TRERF1: variants seen among roughly 807,000 people sequenced by gnomAD.
TRERF1 encodes transcriptional regulating factor 1, also known as transcriptional-regulating factor 1.
TRERF1 carries 27 observed loss-of-function variants against 122.9 expected under a neutral mutation model. The observed-to-expected ratio is 0.22, with a 90% CI of 0.16 to 0.30. The LOEUF is 0.30. TRERF1 is among the 10% of genes least tolerant of loss of function. The pLI is 1.00. For missense variants in TRERF1, 1,248 were observed against 1,560.3 expected, an observed-to-expected ratio of 0.80 and a Z score of 3.37; for synonymous variants, 636 against 641.7, an observed-to-expected ratio of 0.99 and a Z score of 0.13.
chr6:42,320,913 G>A (rs542415375), intron 3 of TRERF1, among the ~76,000 whole-genome samples: 1 of 152,242 alleles, frequency 6.6e-6, no homozygotes, highest in Admixed American at 6.5e-5. Flanking sequence ...ACAGAATATG[G>A]AAGATTAGAA....
intron 8 of TRERF1, among the ~76,000 whole-genome samples, chr6:42,262,612 A>AGAGAGAAAGAGAG (rs1169414320): frequency 8.6e-6 from 1 of 116,220 alleles, no homozygotes. Flanking sequence ...AGACAGACGG[A>AGAGAGAAAGAGAG]AACCCTTCCC....
intron 2 of TRERF1, among the ~76,000 whole-genome samples, chr6:42,439,639 G>A (rs1582249401): frequency 6.6e-6 from 1 of 152,000 alleles, no homozygotes; most frequent in East Asian, 1.9e-4. Context: ...ACAAACAAAG[G>A]GACTCCGAGG....
At chr6:42,288,994 T>TGTGTGTGTGA (rs772469518) in intron 4 of TRERF1, among the ~76,000 whole-genome samples, 101 of 141,836 alleles carry the variant, frequency 7.1e-4, no homozygotes, top group Admixed American at 1.3e-3. Context: ...TGTGTGTGTG[T>TGTGTGTGTGA]CAAAGCACAT....
intron 14 of TRERF1, 131 bp downstream of exon 14, chr6:42,246,325 T>A: frequency 1.4e-6 from 1 of 740,144 alleles, no homozygotes; most frequent in Non-Finnish European, 2.3e-6. Flanking sequence ...TCCACTACCA[T>A]CCTCACCAGC....
At chr6:42,253,834 G>A (rs549354218) in intron 13 of TRERF1, among the ~76,000 whole-genome samples, 30 of 152,248 alleles carry the variant, frequency 2.0e-4, no homozygotes, top group Admixed American at 2.0e-4. Flanking sequence ...CCGGACTAAA[G>A]ATTGGAAAAC....
intron 2 of TRERF1, among the ~76,000 whole-genome samples, chr6:42,434,151 G>T (rs1325626567): frequency 6.6e-6 from 1 of 152,148 alleles, no homozygotes; most frequent in Non-Finnish European, 1.5e-5. Context: ...AGAAAATACA[G>T]AAATGAGTTC....
chr6:42,372,343 C>A (rs1020807958), intron 2 of TRERF1, among the ~76,000 whole-genome samples: 1 of 152,184 alleles, frequency 6.6e-6, no homozygotes, highest in African/African-American at 2.4e-5. Context: ...AACCCATCAG[C>A]TCCTACATGA....
intron 2 of TRERF1, among the ~76,000 whole-genome samples, chr6:42,405,286 G>A (rs75661157): frequency 3.9e-5 from 6 of 152,264 alleles, no homozygotes; most frequent in Admixed American, 1.3e-4. Context: ...CTTAAGATGC[G>A]AGGCCCCAGC....
At chr6:42,333,309 T>C (rs1025895336) in intron 3 of TRERF1, among the ~76,000 whole-genome samples, 1 of 152,228 alleles carries the variant, frequency 6.6e-6, no homozygotes, top group Non-Finnish European at 1.5e-5. Flanking sequence ...GGTCAAATGA[T>C]GTTTTAGGGC....
intron 3 of TRERF1, among the ~76,000 whole-genome samples, chr6:42,307,044 A>G (rs1036965759): frequency 2.0e-5 from 3 of 152,126 alleles, no homozygotes; most frequent in Non-Finnish European, 4.4e-5. Flanking sequence ...TGGTTGTGAT[A>G]TGTGGCCAAG....
rs779332889 is a variant in TRERF1 at position 42,228,478 on chromosome 6, T to C, written c.3470A>G (p.Lys1157Arg). Residue 1157 changes from lysine to arginine, a missense_variant, in exon 18 of 18, where the codon AAG becomes AGG. Coordinates refer to ENST00000372922, the Ensembl canonical transcript of TRERF1. The surrounding 1 kb of genome is among the most constrained non-coding windows in gnomAD (Gnocchi z 4.2). Reference sequence around the variant, plus strand: ...GTCGTCGTCGAGGATGTCCACATCCTTGATGGGTTTGATCAGACTCAGCTG... The same window carrying C: ...GTCGTCGTCGAGGATGTCCACATCCCTGATGGGTTTGATCAGACTCAGCTG... The C allele has an allele frequency of 2.5e-6, 4 of 1,614,092 alleles. No individual in the cohort carries two copies. The African/African-American group carries it at 4.0e-5, about 16-fold the overall frequency.
intron 2 of TRERF1, among the ~76,000 whole-genome samples, chr6:42,392,298 T>A (rs183670500): frequency 1.3e-5 from 2 of 152,290 alleles, no homozygotes; most frequent in East Asian, 3.9e-4. Context: ...TCACTTAACA[T>A]CTTTAAGTTT....
At chr6:42,417,529 T>G (rs1367693305) in intron 2 of TRERF1, among the ~76,000 whole-genome samples, 3 of 152,086 alleles carry the variant, frequency 2.0e-5, no homozygotes, top group Non-Finnish European at 4.4e-5. Context: ...CAGCCCAGTA[T>G]GATGAGGCAC....
intron 2 of TRERF1, among the ~76,000 whole-genome samples, chr6:42,441,681 G>A (rs867611267): frequency 1.3e-5 from 2 of 151,708 alleles, no homozygotes; most frequent in African/African-American, 2.4e-5. Flanking sequence ...AAAAAGAAAA[G>A]AAAAACCCAG....
exon 18 of TRERF1, chr6:42,227,115 C>T (rs1562088597): frequency 1.3e-5 from 2 of 152,366 alleles, no homozygotes; most frequent in Non-Finnish European, 2.9e-5. Context: ...AGAGCAAAGT[C>T]ATGGAGGTTG....
At chr6:42,356,717 G>C (rs1458134645) in intron 3 of TRERF1, among the ~76,000 whole-genome samples, 5 of 152,098 alleles carry the variant, frequency 3.3e-5, no homozygotes, top group African/African-American at 1.2e-4. Context: ...TGGGATTACA[G>C]GTGCCTGCCA....
At chr6:42,440,391 T>C (rs550079016) in intron 2 of TRERF1, among the ~76,000 whole-genome samples, 1 of 152,272 alleles carries the variant, frequency 6.6e-6, no homozygotes, top group South Asian at 2.1e-4. Flanking sequence ...CTTAAACAAG[T>C]TGCTGAAACC....
intron 3 of TRERF1, among the ~76,000 whole-genome samples, chr6:42,318,887 C>T (rs1583009589): frequency 6.6e-6 from 1 of 152,212 alleles, no homozygotes; most frequent in East Asian, 1.9e-4. Context: ...AGAGTCCTCA[C>T]TTAGAAGTAC....
chr6:42,309,422 T>C (rs999827718), intron 3 of TRERF1, among the ~76,000 whole-genome samples: 18 of 152,184 alleles, frequency 1.2e-4, no homozygotes, highest in Admixed American at 2.6e-4. Flanking sequence ...GACCATATTT[T>C]TTCTCTCTCC....
Sources: allele counts gnomAD v4.1 joint callset (sites outside exome capture counted in the v4.1 genomes callset), GRCh38; gene constraint gnomAD v4.1.1; non-coding constraint Gnocchi (gnomAD v3.1); transcripts MANE v1.5; gene names NCBI Gene and HGNC (gene_info 2026-07-23, HGNC 2026-07-21).